KIF26B: variants seen among roughly 807,000 people sequenced by gnomAD.
The protein encoded by KIF26B is kinesin-like protein KIF26B.
In KIF26B, 63 loss-of-function variants were observed where a neutral mutation model predicts 151.2. The observed-to-expected ratio is 0.42, with a 90% CI of 0.34 to 0.51. KIF26B has a LOEUF of 0.51. Among genes scored for constraint, KIF26B ranks in the 20% least tolerant of loss-of-function variants. The probability of loss-of-function intolerance (pLI) is 0.07; values close to 1 mark genes in which losing one functional copy is unlikely to be tolerated. For missense variants in KIF26B, 2,813 were observed against 2,913.6 expected (o/e 0.97, Z 0.79); for synonymous variants, 1,357 against 1,262.1 (o/e 1.08, Z -1.59).
At position 245,218,951 on chromosome 1, in the gene KIF26B, A is replaced by T. The variant is rs1471726622; in HGVS notation, c.465+62268A>T. 6.6e-6 allele frequency among the ~76,000 whole-genome samples: 1 copy of T among 151,858 alleles called. No homozygotes were observed. The highest frequency in any genetic ancestry group is 2.1e-4 in the South Asian group (1 of 4,810). On this transcript the variant is annotated intron_variant, in intron 2 of 14. Coordinates refer to ENST00000407071, the MANE Select transcript of KIF26B (RefSeq NM_018012.4). This position sits in a 1 kb window ranked among gnomAD's most constrained non-coding sequence, Gnocchi z 4.1. Reference sequence around the variant, plus strand: ...TTCTGACTTTGCCATTTCAGTTGGCACTGACCCTTCCAAGACTGTGTATGC... The same window carrying T: ...TTCTGACTTTGCCATTTCAGTTGGCTCTGACCCTTCCAAGACTGTGTATGC...
Position 245,245,638 on chromosome 1 carries a change from C to T in KIF26B, c.465+88955C>T, listed in dbSNP as rs1670312828. 2.0e-5 allele frequency among the ~76,000 whole-genome samples: 3 copies of T among 151,974 alleles called. No homozygotes were observed. The South Asian group carries it at 6.2e-4, about 32-fold the overall frequency. On this transcript the variant is annotated intron_variant, in intron 2 of 14. Coordinates refer to ENST00000407071, the MANE Select transcript of KIF26B (RefSeq NM_018012.4). Reference sequence around the variant, plus strand: ...AAACCCCATCTCTACAAAAATACAACAACAAAAAAAATTGCTGGGTGCGGT... The same window carrying T: ...AAACCCCATCTCTACAAAAATACAATAACAAAAAAAATTGCTGGGTGCGGT...
chr1:245,219,125 CTCTTTTT>C (rs1558349792), intron 2 of KIF26B, among the ~76,000 whole-genome samples: 2 of 107,432 alleles, frequency 1.9e-5, no homozygotes, highest in African/African-American at 7.9e-5. Context: ...AAATACCTAC[CTCTTTTT>C]TTTTTTTTTT....
intron 9 of KIF26B, among the ~76,000 whole-genome samples, chr1:245,618,591 C>T (rs1220111315): frequency 6.7e-6 from 1 of 149,138 alleles, no homozygotes; most frequent in Non-Finnish European, 1.5e-5. Context: ...TGTCCAAGCC[C>T]TATTAGACTA....
At chr1:245,334,631 G>A (rs552764811) in intron 2 of KIF26B, among the ~76,000 whole-genome samples, 1 of 152,284 alleles carries the variant, frequency 6.6e-6, no homozygotes, top group Admixed American at 6.5e-5. Flanking sequence ...GAGGAGAAGG[G>A]GCATCTTCTG....
At chr1:245,341,624 G>C (rs1010970434) in intron 2 of KIF26B, among the ~76,000 whole-genome samples, 1 of 152,164 alleles carries the variant, frequency 6.6e-6, no homozygotes, top group Non-Finnish European at 1.5e-5. Flanking sequence ...GCCCAGCACG[G>C]TGCAGTCTTC....
intron 2 of KIF26B, among the ~76,000 whole-genome samples, chr1:245,343,277 G>A (rs1188509995): frequency 6.6e-6 from 1 of 152,090 alleles, no homozygotes; most frequent in Non-Finnish European, 1.5e-5. Context: ...GCATTTACAG[G>A]AGGATCATGT....
chr1:245,317,368 G>T (rs1049621389), intron 2 of KIF26B, among the ~76,000 whole-genome samples: 17 of 152,202 alleles, frequency 1.1e-4, no homozygotes, highest in Admixed American at 6.5e-5. Context: ...CGGGGTTGTT[G>T]CTATCCCCCA....
intron 2 of KIF26B, among the ~76,000 whole-genome samples, chr1:245,304,704 T>A (rs1671504469): frequency 6.6e-6 from 1 of 151,794 alleles, no homozygotes; most frequent in South Asian, 2.1e-4. Context: ...CATCCCTCCA[T>A]CCATCCATCC....
chr1:245,286,022 GAAAAAA>G (rs1671159812), intron 2 of KIF26B, among the ~76,000 whole-genome samples: 3 of 144,320 alleles, frequency 2.1e-5, no homozygotes, highest in South Asian at 4.5e-4. Context: ...AAAAGGAAAA[GAAAAAA>G]GAAAAGAAAA....
chr1:245,203,748 GTT>G (rs1669346865), intron 2 of KIF26B, among the ~76,000 whole-genome samples: 1 of 152,136 alleles, frequency 6.6e-6, no homozygotes, highest in Non-Finnish European at 1.5e-5. Context: ...TGGACGTTCA[GTT>G]CCCTCTCCAC....
Position 245,606,347 on chromosome 1 carries a change from C to T in KIF26B, c.1558-1304C>T, listed in dbSNP as rs73137681. 2.3e-4 allele frequency among the ~76,000 whole-genome samples: 35 copies of T among 152,250 alleles called. No individual in the cohort carries two copies. The highest frequency in any genetic ancestry group is 3.4e-3 in the Middle Eastern group (1 of 294). ...CAACATTCACGGCCCAGGTGCCCACCGGGAGGCACGCTGCCCCGAGGGCTG... is the reference window on the plus strand; with the variant it reads ...CAACATTCACGGCCCAGGTGCCCACTGGGAGGCACGCTGCCCCGAGGGCTG... On this transcript the variant is annotated intron_variant, in intron 6 of 14. Coordinates refer to ENST00000407071, the MANE Select transcript of KIF26B (RefSeq NM_018012.4). This position sits in a 1 kb window ranked among gnomAD's most constrained non-coding sequence, Gnocchi z 4.6.
In KIF26B at chr1:245,572,857, A is replaced by C. The variant is rs1490079836; in HGVS notation, c.1351-29720A>C. Among the ~76,000 whole-genome samples, 1 of 152,098 alleles carries C rather than the reference A, an allele frequency of 6.6e-6. No individual in the cohort carries two copies. The highest frequency in any genetic ancestry group is 1.5e-5 in the Non-Finnish European group (1 of 68,014). ...GATGTGTCTTTGCGGGGAAATGGTC[A>C]GGCGTCCTCTGTTGGCAAGGGCACC... On this transcript the variant is annotated intron_variant, in intron 5 of 14. Transcript: ENST00000407071. This position sits in a 1 kb window ranked among gnomAD's most constrained non-coding sequence, Gnocchi z 4.2.
intron 4 of KIF26B, among the ~76,000 whole-genome samples, chr1:245,444,422 C>A (rs1273737088): frequency 6.6e-6 from 1 of 152,060 alleles, no homozygotes; most frequent in African/African-American, 2.4e-5. Context: ...AGCGTGGCGA[C>A]CTACACCCGC....
At chr1:245,561,793 C>T (rs1004085034) in intron 5 of KIF26B, among the ~76,000 whole-genome samples, 2 of 152,206 alleles carry the variant, frequency 1.3e-5, no homozygotes, top group Admixed American at 6.5e-5. Flanking sequence ...GTCAATCCTA[C>T]GTCTGTGCAC....
chr1:245,486,504 C>T (rs184466824), intron 4 of KIF26B, among the ~76,000 whole-genome samples: 1 of 152,140 alleles, frequency 6.6e-6, no homozygotes, highest in East Asian at 1.9e-4. Context: ...TTAGTGCTCA[C>T]GGCAATCCAG....
rs375330671 is a variant in KIF26B, at chr1:245,369,195, G to GAGAGAGAGAGAGACAGACAGAC, written c.999+1831_999+1832insGAGAGAGAGACAGACAGACAGA. Among the ~76,000 whole-genome samples the GAGAGAGAGAGAGACAGACAGAC allele has an allele frequency of 1.8e-3, 238 of 129,584 alleles. 1 individual carries two copies. Among genetic ancestry groups the GAGAGAGAGAGAGACAGACAGAC allele is most frequent in the Middle Eastern group, 3.8e-3 (1 of 264 alleles). The allele number at this position is 129,584 out of a possible 152,430, so 85.0% of individuals were successfully genotyped here. A position where few individuals can be genotyped will look rare whatever the true frequency, so the allele number is the denominator to read the frequency against. On this transcript the variant is annotated intron_variant, in intron 3 of 14. Coordinates refer to ENST00000407071, the MANE Select transcript of KIF26B (RefSeq NM_018012.4). ...AGAGAGAGAGAGAGAGAGAGAGAGA[G>GAGAGAGAGAGAGACAGACAGAC]AGACAGACAGACAGACAGACAGTTT...
At position 245,564,466 on chromosome 1, in the gene KIF26B, T is replaced by A. The variant is rs554470882; in HGVS notation, c.1350+23516T>A. Among the ~76,000 whole-genome samples, 1 of 152,324 alleles carries A rather than the reference T, an allele frequency of 6.6e-6. No individual in the cohort carries two copies. Among genetic ancestry groups the A allele is most frequent in the South Asian group, 2.1e-4 (1 of 4,828 alleles). On this transcript the variant is annotated intron_variant, in intron 5 of 14. Coordinates refer to ENST00000407071, the MANE Select transcript of KIF26B (RefSeq NM_018012.4). This position sits in a 1 kb window ranked among gnomAD's most constrained non-coding sequence, Gnocchi z 4.6. ...TTCTCCCCGTTCAAGTGTTGCTGAC[T>A]GGTGGGGAGGGACAGCATCGCCTCA...
intron 2 of KIF26B, among the ~76,000 whole-genome samples, chr1:245,160,321 G>C (rs1668511522): frequency 6.6e-6 from 1 of 152,226 alleles, no homozygotes; most frequent in Non-Finnish European, 1.5e-5. Flanking sequence ...CGTGTAAAGT[G>C]TTGAGATTTT....
At chr1:245,455,448 G>T (rs1002963504) in intron 4 of KIF26B, among the ~76,000 whole-genome samples, 2 of 151,992 alleles carry the variant, frequency 1.3e-5, no homozygotes, top group Non-Finnish European at 2.9e-5. Context: ...AGGTTGCAGT[G>T]AGTCGAGATC....
Sources: allele counts gnomAD v4.1 joint callset (sites outside exome capture counted in the v4.1 genomes callset), GRCh38; gene constraint gnomAD v4.1.1; non-coding constraint Gnocchi (gnomAD v3.1); transcripts MANE v1.5; gene names NCBI Gene and HGNC (gene_info 2026-07-23, HGNC 2026-07-21).